Variants in CDNF observed in about 807,000 individuals in gnomAD.
CDNF encodes the protein cerebral dopamine neurotrophic factor.
In CDNF, 9 loss-of-function variants were observed where a neutral mutation model predicts 14.8. The observed-to-expected ratio is 0.61, with a 90% CI of 0.37 to 1.06. The LOEUF is 1.06. CDNF is among the 50% of genes least tolerant of loss of function. CDNF has a pLI of 0.01. For synonymous variants in CDNF, 86 were observed against 87.2 expected (o/e 0.99, Z 0.07); for missense variants, 228 against 228.4 (o/e 1.00, Z 0.01).
intron 1 of CDNF, among the ~76,000 whole-genome samples, chr10:14,833,833 A>C (rs895185954): frequency 6.6e-6 from 1 of 152,210 alleles, no homozygotes; most frequent in Admixed American, 6.5e-5. Context: ...AAAAGACGGA[A>C]AGGAGCAGCC....
chr10:14,825,579 G>C lies in CDNF; in HGVS notation c.285C>G (p.Ile95Met), dbSNP rs148962227. The change falls in exon 3 of 4, where the codon ATC (isoleucine) becomes ATG (methionine). Residue 95 changes from isoleucine to methionine, a missense_variant. Ile to Met is a conservative substitution (Grantham distance 10). Coordinates refer to ENST00000465530, the MANE Select transcript of CDNF (RefSeq NM_001029954.3). ...TCATTGGGCGAGTGACTTCACTTAG[G>C]ATCTTTGTGGCTGCGTCTTTTGTGG... ...LGATKDAATK[I>M]LSEVTRPMSV... The C allele has an allele frequency of 7.2e-5, 116 of 1,614,052 alleles. No homozygotes were observed. The African/African-American group carries it at 1.3e-3, about 18-fold the overall frequency.
intron 1 of CDNF, among the ~76,000 whole-genome samples, chr10:14,829,115 C>G (rs2131625905): frequency 6.6e-6 from 1 of 152,318 alleles, no homozygotes. Context: ...CACATTGTAA[C>G]AGCATATTGA....
intron 1 of CDNF, among the ~76,000 whole-genome samples, chr10:14,836,985 T>G (rs1340186725): frequency 6.6e-6 from 1 of 152,236 alleles, no homozygotes; most frequent in Middle Eastern, 3.4e-3. Context: ...ACAACTTTAG[T>G]ACGACTATAC....
chr10:14,832,035 G>C (rs1833848179), intron 1 of CDNF, among the ~76,000 whole-genome samples: 1 of 152,162 alleles, frequency 6.6e-6, no homozygotes, highest in East Asian at 1.9e-4. Context: ...ACTTGCCCTT[G>C]AGAGTTACAT....
intron 1 of CDNF, among the ~76,000 whole-genome samples, chr10:14,828,477 T>C (rs1248092419): frequency 6.6e-6 from 1 of 151,766 alleles, no homozygotes. Context: ...TGAAATCCTC[T>C]CTCTACTAAA....
At chr10:14,837,754 C>T in intron 1 of CDNF, 78 bp downstream of exon 1, 1 of 799,320 alleles carries the variant, frequency 1.3e-6, no homozygotes, top group Non-Finnish European at 2.0e-6. Context: ...ATAGCCAGGG[C>T]CAGGAGAAGC....
Position 14,838,025 on chromosome 10 carries a change from C to G in CDNF, c.-79G>C. The G allele has an allele frequency of 9.1e-7, 1 of 1,099,472 alleles. No individual in the cohort carries two copies. The highest frequency in any genetic ancestry group is 1.3e-6 in the Non-Finnish European group (1 of 753,090). 68.1% of individuals were successfully genotyped at this position (1,099,472 alleles called of 1,614,324 possible). ...CTGCCAAAGCGAGCTGAGCAGAATT[C>G]GAGGTTGGAAAGAATCTGCCAGTAG... On this transcript the variant is annotated 5_prime_UTR_variant, in exon 1 of 4. Coordinates refer to ENST00000465530, the MANE Select transcript of CDNF (RefSeq NM_001029954.3).
chr10:14,834,724 T>C (rs1833872765), intron 1 of CDNF, among the ~76,000 whole-genome samples: 1 of 151,836 alleles, frequency 6.6e-6, no homozygotes, highest in African/African-American at 2.4e-5. Context: ...ACCAAAACAA[T>C]ATGAGAAGTG....
At position 14,834,961 on chromosome 10, in the gene CDNF, G is replaced by A. The variant is rs373462863; in HGVS notation, c.115+2871C>T. On this transcript the variant is annotated intron_variant, in intron 1 of 3. Coordinates refer to ENST00000465530, the MANE Select transcript of CDNF (RefSeq NM_001029954.3). Reference sequence around the variant, plus strand: ...GAGAAAGGAGCAGGACCAGTCAGGAGGTAGACTCAACGATGTAGTGATTGG... The same window carrying A: ...GAGAAAGGAGCAGGACCAGTCAGGAAGTAGACTCAACGATGTAGTGATTGG... 3.9e-5 allele frequency among the ~76,000 whole-genome samples: 6 copies of A among 152,140 alleles called. No individual in the cohort carries two copies. The East Asian group carries it at 9.6e-4, about 24-fold the overall frequency.
At chr10:14,830,719 G>A (rs545190812) in intron 1 of CDNF, among the ~76,000 whole-genome samples, 316 of 151,902 alleles carry the variant, frequency 2.1e-3, no homozygotes, top group African/African-American at 7.4e-3. Flanking sequence ...GGTGGCAGGT[G>A]CCTGTAATCC....
At chr10:14,821,965 A>G (rs1833741913) in intron 3 of CDNF, among the ~76,000 whole-genome samples, 2 of 152,240 alleles carry the variant, frequency 1.3e-5, no homozygotes, top group Non-Finnish European at 2.9e-5. Flanking sequence ...GCACATACAC[A>G]TGACAAAGCA....
At chr10:14,825,408 G>T in intron 3 of CDNF, 71 bp downstream of exon 3, 2 of 1,458,988 alleles carry the variant, frequency 1.4e-6, no homozygotes, top group Non-Finnish European at 1.9e-6. Flanking sequence ...ATTTTTAGAA[G>T]ACATGGCCCC....
At chr10:14,831,708 G>A (rs1241707127) in intron 1 of CDNF, among the ~76,000 whole-genome samples, 1 of 151,916 alleles carries the variant, frequency 6.6e-6, no homozygotes, top group Non-Finnish European at 1.5e-5. Flanking sequence ...CTGAGTAGCT[G>A]GGACTAATGG....
Position 14,820,106 on chromosome 10 carries a change from C to T in CDNF, c.438G>A (p.Glu146=), listed in dbSNP as rs747844191. 2.8e-5 allele frequency: 46 copies of T among 1,614,068 alleles called. No individual in the cohort carries two copies. Among genetic ancestry groups the T allele is most frequent in the Non-Finnish European group, 3.4e-5 (40 of 1,180,032 alleles). Residue 146 remains glutamate (E), a synonymous_variant, in exon 4 of 4, where the codon GAG becomes GAA. Transcript: ENST00000465530. ...CCCAGCTATGCAGGATCTGCTTCAG[C>T]TCTGCCACTCTCATCTTCCGCAGGT... is the stretch of plus-strand genomic sequence containing the variant. ...SVDLRKMRVA[E]LKQILHSWGE...
At chr10:14,826,156 A>C (rs1419720512) in intron 2 of CDNF, among the ~76,000 whole-genome samples, 2 of 151,064 alleles carry the variant, frequency 1.3e-5, no homozygotes, top group Non-Finnish European at 2.9e-5. Context: ...AAGGAGAAGA[A>C]GAAGAAGAAG....
chr10:14,830,966 G>A lies in CDNF; in HGVS notation c.116-2694C>T, dbSNP rs58935589. Among the ~76,000 whole-genome samples the A allele has an allele frequency of 2.6e-5, 4 of 152,198 alleles. No individual in the cohort carries two copies. The East Asian group carries it at 7.7e-4, about 29-fold the overall frequency. On this transcript the variant is annotated intron_variant, in intron 1 of 3. Coordinates refer to ENST00000465530, the MANE Select transcript of CDNF (RefSeq NM_001029954.3). ...GTTCGAGATGTTTCAGATCATCCTAGTAGTGTGAATGGGGCCTTTGACCCC... is the reference window on the plus strand; with the variant it reads ...GTTCGAGATGTTTCAGATCATCCTAATAGTGTGAATGGGGCCTTTGACCCC...
At chr10:14,826,443 CAGA>C (rs1347679001) in intron 2 of CDNF, among the ~76,000 whole-genome samples, 52 of 139,672 alleles carry the variant, frequency 3.7e-4, no homozygotes, top group Non-Finnish European at 6.3e-4. Flanking sequence ...AAGAAAGAAG[CAGA>C]AGAAGCAGAA....
intron 1 of CDNF, among the ~76,000 whole-genome samples, chr10:14,831,188 C>T (rs1833840748): frequency 6.6e-6 from 1 of 152,124 alleles, no homozygotes; most frequent in Admixed American, 6.6e-5. Context: ...GATCTGCTCT[C>T]ACTCTCCTAA....
chr10:14,829,119 A>C (rs1177146165), intron 1 of CDNF, among the ~76,000 whole-genome samples: 1 of 152,278 alleles, frequency 6.6e-6, no homozygotes. Context: ...TTGTAACAGC[A>C]TATTGAATCA....
Sources: allele counts gnomAD v4.1 joint callset (sites outside exome capture counted in the v4.1 genomes callset), GRCh38; gene constraint gnomAD v4.1.1; transcripts MANE v1.5; gene names NCBI Gene and HGNC (gene_info 2026-07-23, HGNC 2026-07-21).